Variants in KCNAB2 observed in about 807,000 individuals in gnomAD.
KCNAB2 encodes the protein potassium voltage-gated channel subfamily A regulatory beta subunit 2.
A neutral mutation model predicts 63.6 loss-of-function variants in KCNAB2; 29 were observed. That is an observed-to-expected ratio of 0.46 (90% CI 0.34 to 0.62). The LOEUF (loss-of-function observed/expected upper bound fraction) is 0.62. KCNAB2 is among the 20% of genes least tolerant of loss of function. The pLI is 0.01. For missense variants in KCNAB2, 359 were observed against 563.9 expected, an observed-to-expected ratio of 0.64 and a Z score of 3.68; for synonymous variants, 222 against 224.2, an observed-to-expected ratio of 0.99 and a Z score of 0.09.
At chr1:6,034,839 G>A (rs1258148900) in intron 1 of KCNAB2, 1 of 152,250 alleles carries the variant, frequency 6.6e-6, no homozygotes, top group Non-Finnish European at 1.5e-5. Context: ...TCTGTTCCAT[G>A]TCTACTAGGT....
At chr1:6,084,782 T>C (rs963166368) in intron 5 of KCNAB2, among the ~76,000 whole-genome samples, 7 of 11,938 alleles carry the variant, frequency 5.9e-4, no homozygotes, top group East Asian at 0.056. Flanking sequence ...CGCCACTACA[T>C]TCCATTGATA....
intron 1 of KCNAB2, among the ~76,000 whole-genome samples, chr1:6,019,879 T>G (rs1050200132): frequency 1.3e-5 from 2 of 152,216 alleles, no homozygotes; most frequent in African/African-American, 4.8e-5. Context: ...GGGATTGTCC[T>G]AGACAGAGGG....
chr1:6,014,559 GCCTGCGT>G (rs1409946553), intron 1 of KCNAB2, among the ~76,000 whole-genome samples: 9 of 152,238 alleles, frequency 5.9e-5, no homozygotes, highest in African/African-American at 2.2e-4. Flanking sequence ...AGAGACAGCA[GCCTGCGT>G]GGCTCGGCCA....
chr1:6,003,114 C>T lies in KCNAB2; in HGVS notation c.-53+10326C>T, dbSNP rs1657353707. 6.6e-6 allele frequency among the ~76,000 whole-genome samples: 1 copy of T among 152,226 alleles called. No homozygotes were observed. The highest frequency in any genetic ancestry group is 1.5e-5 in the Non-Finnish European group (1 of 68,024). On this transcript the variant is annotated intron_variant, in intron 1 of 16. Coordinates refer to the KCNAB2 transcript ENST00000341524. This position sits in a 1 kb window ranked among gnomAD's most constrained non-coding sequence, Gnocchi z 4.1. The stretch of plus-strand genomic sequence containing the variant: ...ACCCGTTCACGGGGCGGGCGCTCGC[C>T]CTTGGCCTCGCTCCTGAGCCACAGT...
intron 4 of KCNAB2, among the ~76,000 whole-genome samples, chr1:6,076,525 CTTA>C (rs1663676818): frequency 1.3e-5 from 2 of 152,210 alleles, no homozygotes; most frequent in African/African-American, 4.8e-5. Flanking sequence ...GAACCTAACA[CTTA>C]TTATCTCACC....
intron 1 of KCNAB2, among the ~76,000 whole-genome samples, chr1:6,039,130 G>A (rs187917934): frequency 1.1e-4 from 17 of 152,282 alleles, no homozygotes; most frequent in Admixed American, 2.0e-4. Flanking sequence ...CCCCACAGTC[G>A]GGGCTCATGG....
chr1:5,995,436 G>A (rs918768969), intron 1 of KCNAB2, among the ~76,000 whole-genome samples: 27 of 152,234 alleles, frequency 1.8e-4, no homozygotes, highest in Admixed American at 1.6e-3. Flanking sequence ...GGACATGACC[G>A]GCTGTCCCTT....
intron 2 of KCNAB2, among the ~76,000 whole-genome samples, chr1:6,053,223 C>T (rs994427735): frequency 1.1e-4 from 16 of 152,016 alleles, no homozygotes; most frequent in Admixed American, 2.0e-4. Context: ...AAGAAGGAGA[C>T]GCTGGGCATT....
chr1:6,070,357 A>T (rs1663093563), intron 2 of KCNAB2, among the ~76,000 whole-genome samples: 1 of 152,152 alleles, frequency 6.6e-6, no homozygotes, highest in Non-Finnish European at 1.5e-5. Flanking sequence ...TACCACAGTT[A>T]CTTTCTAGCC....
upstream of KCNAB2, among the ~76,000 whole-genome samples, chr1:6,043,354 A>G (rs898697900): frequency 6.6e-6 from 1 of 152,174 alleles, no homozygotes; most frequent in Non-Finnish European, 1.5e-5. Context: ...CCAGTGACCA[A>G]GTGAGAGCCT....
At chr1:6,062,824 C>T (rs1662430662) in intron 2 of KCNAB2, among the ~76,000 whole-genome samples, 1 of 152,136 alleles carries the variant, frequency 6.6e-6, no homozygotes, top group African/African-American at 2.4e-5. Context: ...ATATAATTCA[C>T]GTGCCATACA....
At chr1:6,082,023 C>T (rs1664251483) in intron 4 of KCNAB2, among the ~76,000 whole-genome samples, 172 bp from the exon 5 acceptor site, 1 of 152,214 alleles carries the variant, frequency 6.6e-6, no homozygotes, top group African/African-American at 2.4e-5. Flanking sequence ...GAGCTGCCTC[C>T]ATCCCTGTCC....
intron 10 of KCNAB2, among the ~76,000 whole-genome samples, chr1:6,093,645 C>T (rs1209276449): frequency 6.6e-6 from 1 of 152,214 alleles, no homozygotes; most frequent in East Asian, 1.9e-4. Context: ...CTACTCCAGG[C>T]CCTGGCCCCT....
chr1:6,014,696 A>G (rs1285532176), intron 1 of KCNAB2, among the ~76,000 whole-genome samples: 1 of 152,176 alleles, frequency 6.6e-6, no homozygotes, highest in African/African-American at 2.4e-5. Flanking sequence ...AGTCACAGTT[A>G]CCAGCAGGGA....
intron 2 of KCNAB2, among the ~76,000 whole-genome samples, chr1:6,070,736 C>T (rs968039274): frequency 3.9e-5 from 6 of 152,204 alleles, no homozygotes; most frequent in Non-Finnish European, 5.9e-5. Context: ...AAGGCAGCCT[C>T]GTGAGCCCAT....
At chr1:6,027,138 C>A (rs1206649019) in intron 1 of KCNAB2, among the ~76,000 whole-genome samples, 1 of 152,172 alleles carries the variant, frequency 6.6e-6, no homozygotes, top group African/African-American at 2.4e-5. Context: ...CTCTCACTTG[C>A]CTCCTCCATT....
At chr1:6,019,238 G>A (rs1248052420) in intron 1 of KCNAB2, among the ~76,000 whole-genome samples, 1 of 152,200 alleles carries the variant, frequency 6.6e-6, no homozygotes, top group Non-Finnish European at 1.5e-5. Context: ...GCTGCAGTGA[G>A]CTGTGATCAT....
chr1:6,083,564 A>G (rs1376990761), intron 5 of KCNAB2, among the ~76,000 whole-genome samples: 1 of 152,168 alleles, frequency 6.6e-6, no homozygotes, highest in Non-Finnish European at 1.5e-5. Context: ...GCTTCCCCTC[A>G]GGTCGCCGTT....
At chr1:6,012,821 G>T (rs1658268037) in intron 1 of KCNAB2, among the ~76,000 whole-genome samples, 1 of 152,032 alleles carries the variant, frequency 6.6e-6, no homozygotes, top group African/African-American at 2.4e-5. Flanking sequence ...GGTGACAGCA[G>T]TGGTGGTCGT....
Sources: gnomAD v4.1 joint callset for allele counts (sites outside exome capture counted in the v4.1 genomes callset) on GRCh38, gnomAD v4.1.1 for gene constraint, Gnocchi (gnomAD v3.1) non-coding constraint, MANE v1.5 for transcripts, NCBI Gene and HGNC (gene_info 2026-07-23, HGNC 2026-07-21) for gene names.